Variants in SPATA13 observed in about 807,000 individuals in gnomAD.
SPATA13 encodes the protein spermatogenesis associated 13.
In SPATA13, 50 loss-of-function variants were observed where a neutral mutation model predicts 104.0. That is an observed-to-expected ratio of 0.48 (90% CI 0.38 to 0.61). The LOEUF is 0.61. SPATA13 is among the 20% of genes least tolerant of loss of function. The probability of loss-of-function intolerance (pLI) is 0.00; values close to 1 mark genes in which losing one functional copy is unlikely to be tolerated. For missense variants in SPATA13, 1,524 were observed against 1,690.6 expected (o/e 0.90, Z 1.73); for synonymous variants, 606 against 667.5 (o/e 0.91, Z 1.42).
chr13:24,304,828 T>C lies in SPATA13; in HGVS notation c.*2055T>C, dbSNP rs997818472. 2 of 152,138 alleles carry C rather than the reference T, an allele frequency of 1.3e-5. No individual in the cohort carries two copies. The highest frequency in any genetic ancestry group is 1.3e-4 in the Admixed American group (2 of 15,266). 9.4% of individuals were successfully genotyped at this position (152,138 alleles called of 1,614,324 possible). ...CTGCAGGAAGGAGCTTCTGGAGAGG[T>C]CCTGTGGCATGTGTGGGGGTGTGTG... On this transcript the variant is annotated 3_prime_UTR_variant, in exon 13 of 13. Transcript: ENST00000382108.
In SPATA13 at chr13:24,256,172, A is replaced by G. The variant is rs368017216; in HGVS notation, c.2164+4310A>G. 7.0e-4 allele frequency among the ~76,000 whole-genome samples: 107 copies of G among 152,334 alleles called. 4 individuals are homozygous for G. In the South Asian group the frequency reaches 0.021, roughly 30 times the overall value. ...CTGTAGTATCAACTTTTAAATAATA[A>G]TGAAAGTATATTTCTCCTCCCTGGT... On this transcript the variant is annotated intron_variant, in intron 4 of 12. Coordinates refer to ENST00000382108, the MANE Select transcript of SPATA13 (RefSeq NM_001166271.3).
upstream of SPATA13, among the ~76,000 whole-genome samples, chr13:24,160,303 T>TGGCGCG (rs1320104678): frequency 7.9e-5 from 12 of 152,248 alleles, no homozygotes; most frequent in East Asian, 2.3e-3. Context: ...TGGAGTGCAG[T>TGGCGCG]GGCGCGATCT....
chr13:24,068,795 G>T (rs973576330), intron 3 of SPATA13, among the ~76,000 whole-genome samples: 1 of 152,078 alleles, frequency 6.6e-6, no homozygotes, highest in South Asian at 2.1e-4. Context: ...TCATATGTTT[G>T]TTGGCCGCAT....
rs1308071257 is a variant in SPATA13, at chr13:24,304,945, G to A, written c.*2172G>A. On this transcript the variant is annotated 3_prime_UTR_variant, in exon 13 of 13. Coordinates refer to ENST00000382108, the MANE Select transcript of SPATA13 (RefSeq NM_001166271.3). ...TAACAAAATACAATGATATATGTTG[G>A]AAACTACTTAATATGCTTTTCCTGC... is the stretch of plus-strand genomic sequence containing the variant. 1 of 152,226 alleles carries A rather than the reference G, an allele frequency of 6.6e-6. No individual in the cohort carries two copies. Among genetic ancestry groups the A allele is most frequent in the Non-Finnish European group, 1.5e-5 (1 of 68,042 alleles). 9.4% of individuals were successfully genotyped at this position (152,226 alleles called of 1,614,324 possible).
chr13:24,041,207 G>A (rs961002094), intron 3 of SPATA13, among the ~76,000 whole-genome samples: 1 of 152,198 alleles, frequency 6.6e-6, no homozygotes, highest in East Asian at 1.9e-4. Context: ...GGAGAAGCTT[G>A]TTTGTTAAAT....
At chr13:24,299,743 C>T (rs566491249) in intron 11 of SPATA13, among the ~76,000 whole-genome samples, 1 of 152,306 alleles carries the variant, frequency 6.6e-6, no homozygotes, top group African/African-American at 2.4e-5. Flanking sequence ...AAGGCAGGGC[C>T]CCAGCACCCA....
rs1875967955 is a variant in SPATA13 at position 24,286,638 on chromosome 13, C to T, written c.2482-127C>T. 1 of 948,634 alleles carries T rather than the reference C, an allele frequency of 1.1e-6. No homozygotes were observed. The highest frequency in any genetic ancestry group is 1.7e-5 in the African/African-American group (1 of 60,326). 58.8% of individuals were successfully genotyped at this position (948,634 alleles called of 1,614,324 possible). A position where few individuals can be genotyped will look rare whatever the true frequency, so the allele number is the denominator to read the frequency against. Reference sequence around the variant, plus strand: ...CCGCAGCCCTGCTGAGGCCATGAGACTCAGGCGAGGGCCAGGCTGCCTTCC... The same window carrying T: ...CCGCAGCCCTGCTGAGGCCATGAGATTCAGGCGAGGGCCAGGCTGCCTTCC... On this transcript the variant is annotated intron_variant, in intron 6 of 12. Coordinates refer to ENST00000382108, the MANE Select transcript of SPATA13 (RefSeq NM_001166271.3). The surrounding 1 kb of genome is among the most constrained non-coding windows in gnomAD (Gnocchi z 4.9).
At chr13:23,995,894 AC>A (rs761979637) in intron 2 of SPATA13, among the ~76,000 whole-genome samples, 1 of 152,110 alleles carries the variant, frequency 6.6e-6, no homozygotes, top group Non-Finnish European at 1.5e-5. Flanking sequence ...TATTCTGAGT[AC>A]TAATTGGACC....
intron 3 of SPATA13, among the ~76,000 whole-genome samples, chr13:24,020,528 C>G (rs17079770): frequency 0.039 from 5,869 of 152,222 alleles, 361 homozygotes; most frequent in African/African-American, 0.13. Context: ...GCTGTTGAAC[C>G]TTAAACGAAT....
At chr13:24,211,619 C>T (rs908079351) in intron 1 of SPATA13, among the ~76,000 whole-genome samples, 16 of 152,098 alleles carry the variant, frequency 1.1e-4, no homozygotes, top group African/African-American at 3.9e-4. Flanking sequence ...TGGTGGGAAT[C>T]ACCTGTCTCT....
At position 24,203,160 on chromosome 13, in the gene SPATA13, GTGT is replaced by G. The variant is rs547255453; in HGVS notation, c.-111-19654_-111-19652del. On this transcript the variant is annotated intron_variant, in intron 1 of 12. Transcript: ENST00000382108. Reference sequence around the variant, plus strand: ...CCTCCCTCCCCACAGGCCCCAGTGTGTGTTGTTCCCCTCCATGTGAAATGATGG... The same window carrying G: ...CCTCCCTCCCCACAGGCCCCAGTGTGTGTTCCCCTCCATGTGAAATGATGG... 1.6e-4 allele frequency among the ~76,000 whole-genome samples: 25 copies of G among 151,610 alleles called. 1 individual carries two copies. The South Asian group carries it at 5.2e-3, about 32-fold the overall frequency.
Position 24,107,951 on chromosome 13 carries a change from T to TATA in SPATA13, c.-112+90251_-112+90252insTAA, listed in dbSNP as rs1880507595. ...TTATCTTAGTCCATTTGTGCTGCTA[T>TATA]AGTACGATATCACAAACTGGGTTAT... On this transcript the variant is annotated intron_variant, in intron 3 of 14. Coordinates refer to the SPATA13 transcript ENST00000424834. 2.0e-5 allele frequency among the ~76,000 whole-genome samples: 3 copies of TATA among 152,384 alleles called. No individual in the cohort carries two copies. The South Asian group carries it at 6.2e-4, about 32-fold the overall frequency.
chr13:24,169,223 T>C (rs964488064), intron 1 of SPATA13, among the ~76,000 whole-genome samples: 22 of 152,166 alleles, frequency 1.4e-4, no homozygotes, highest in Admixed American at 3.9e-4. Context: ...AGCTCTTGGC[T>C]GTGGCCTGTG....
intron 1 of SPATA13, among the ~76,000 whole-genome samples, chr13:24,189,015 C>CAA (rs1204595858): frequency 1.3e-5 from 2 of 152,106 alleles, no homozygotes; most frequent in African/African-American, 2.4e-5. Context: ...AAAAAGGATT[C>CAA]TTTTTGAAAT....
At chr13:24,101,083 T>C (rs1472097509) in intron 3 of SPATA13, among the ~76,000 whole-genome samples, 2 of 152,324 alleles carry the variant, frequency 1.3e-5, no homozygotes, top group Non-Finnish European at 2.9e-5. Flanking sequence ...GAAATTCGCA[T>C]ACACTTGAGT....
intron 1 of SPATA13, among the ~76,000 whole-genome samples, chr13:24,175,169 G>A (rs1209927448): frequency 1.3e-5 from 2 of 152,130 alleles, no homozygotes; most frequent in African/African-American, 2.4e-5. Context: ...CCTTTTGGTC[G>A]AGGGCATTAA....
intron 4 of SPATA13, among the ~76,000 whole-genome samples, chr13:24,260,146 C>G (rs1873986597): frequency 6.6e-6 from 1 of 152,102 alleles, no homozygotes; most frequent in African/African-American, 2.4e-5. Context: ...TGAGTAGAAA[C>G]GGGGAGCATG....
intron 3 of SPATA13, among the ~76,000 whole-genome samples, chr13:24,104,830 C>T (rs1235401955): frequency 6.6e-6 from 1 of 152,176 alleles, no homozygotes. Flanking sequence ...TGGCTGCAGC[C>T]TCCTCTCCAG....
At chr13:24,020,398 A>T (rs1032636479) in intron 3 of SPATA13, among the ~76,000 whole-genome samples, 1 of 152,068 alleles carries the variant, frequency 6.6e-6, no homozygotes, top group African/African-American at 2.4e-5. Flanking sequence ...CCTTAATCAA[A>T]TTTTTCATTA....
Sources: allele counts gnomAD v4.1 joint callset (sites outside exome capture counted in the v4.1 genomes callset), GRCh38; gene constraint gnomAD v4.1.1; non-coding constraint Gnocchi (gnomAD v3.1); transcripts MANE v1.5; gene names NCBI Gene and HGNC (gene_info 2026-07-23, HGNC 2026-07-21).